NCR1: variants seen among roughly 807,000 people sequenced by gnomAD.
NCR1 encodes the protein NK cell-activating receptor.
Under a neutral mutation model 32.5 loss-of-function variants are expected in NCR1, and 30 were observed. The observed-to-expected ratio is 0.92, with a 90% CI of 0.69 to 1.25. The LOEUF is 1.25. Ranked by LOEUF, NCR1 falls within the 50% of genes most tolerant of loss-of-function variation. The probability of loss-of-function intolerance (pLI) is 0.00; values close to 1 mark genes in which losing one functional copy is unlikely to be tolerated. For missense variants in NCR1, 369 were observed against 380.7 expected (o/e 0.97, Z 0.26); for synonymous variants, 169 against 143.4 (o/e 1.18, Z -1.28).
chr19:54,910,170 C>A, intron 5 of NCR1, 105 bp downstream of exon 5: 1 of 1,131,848 alleles, frequency 8.8e-7, no homozygotes, highest in Non-Finnish European at 1.3e-6. Context: ...GGCGTGGTGG[C>A]TCACGCCTGT....
the NCR1 span, chr19:54,923,936 A>G: frequency 8.7e-5 from 136 of 1,557,082 alleles, no homozygotes; most frequent in South Asian, 1.4e-3. Flanking sequence ...GGATGCCTGA[A>G]TATCTGTTTT....
the NCR1 span, chr19:54,936,570 C>G: frequency 1.3e-6 from 1 of 767,648 alleles, no homozygotes; most frequent in Middle Eastern, 2.9e-4. Context: ...GTCTGTAACC[C>G]CAGCACTTTG....
intron 3 of NCR1, among the ~76,000 whole-genome samples, chr19:54,907,820 G>T (rs961737134): frequency 6.6e-6 from 1 of 151,850 alleles, no homozygotes; most frequent in African/African-American, 2.4e-5. Context: ...TTTTAAATTG[G>T]GTTGCTTATA....
chr19:54,912,897 A>G lies in NCR1; in HGVS notation c.*26A>G. The G allele has an allele frequency of 6.2e-7, 1 of 1,606,484 alleles. No homozygotes were observed. Among genetic ancestry groups the G allele is most frequent in the Non-Finnish European group, 8.5e-7 (1 of 1,175,176 alleles). ...AGAATGACCATGAGACACAGTGGCC[A>G]TGGGTGGATCTGAAAGCTGGTGTTG... On this transcript the variant is annotated 3_prime_UTR_variant, in exon 7 of 7. Transcript: ENST00000291890.
chr19:54,907,622 C>T (rs747532076), intron 3 of NCR1, among the ~76,000 whole-genome samples: 1 of 151,340 alleles, frequency 6.6e-6, no homozygotes, highest in Non-Finnish European at 1.5e-5. Context: ...ATGAGCAATA[C>T]TTTGTGCTAG....
chr19:54,906,845 T>C (rs1448545478), intron 3 of NCR1, 38 bp downstream of exon 3: 1 of 1,606,188 alleles, frequency 6.2e-7, no homozygotes, highest in Admixed American at 1.7e-5. Context: ...GTGATCTCAG[T>C]CTGCATCCGG....
At chr19:54,916,702 A>ATTTGTTTTT (rs2068142424), downstream of NCR1, among the ~76,000 whole-genome samples, 1 of 50,480 alleles carries the variant, frequency 2.0e-5, no homozygotes, top group Admixed American at 3.0e-4. Context: ...CAACTGTTCT[A>ATTTGTTTTT]TTTTTTTTTT....
chr19:54,933,171 A>C, the NCR1 span, among the ~76,000 whole-genome samples: 2 of 151,850 alleles, frequency 1.3e-5, no homozygotes, highest in Non-Finnish European at 2.9e-5. Context: ...TTTGAGAAGG[A>C]GTCTTGTTCT....
chr19:54,918,157 G>C (rs1034440889), downstream of NCR1, among the ~76,000 whole-genome samples: 1 of 151,900 alleles, frequency 6.6e-6, no homozygotes, highest in South Asian at 2.1e-4. Context: ...GGATGGTCTC[G>C]ATCTGACCTC....
chr19:54,908,011 G>A (rs969157546), intron 3 of NCR1, among the ~76,000 whole-genome samples: 3 of 151,360 alleles, frequency 2.0e-5, no homozygotes, highest in African/African-American at 7.3e-5. Flanking sequence ...AGTATTTATT[G>A]ATCATTCTTG....
the NCR1 span, among the ~76,000 whole-genome samples, chr19:54,935,276 C>T: frequency 6.6e-6 from 1 of 151,908 alleles, no homozygotes; most frequent in East Asian, 1.9e-4. Flanking sequence ...GTTGCCCAGG[C>T]TGGAGTGCAG....
intron 5 of NCR1, among the ~76,000 whole-genome samples, chr19:54,910,962 G>A (rs2067940447): frequency 6.6e-6 from 1 of 152,186 alleles, no homozygotes; most frequent in Admixed American, 6.5e-5. Flanking sequence ...GAAGATAACT[G>A]GGGTAATACA....
chr19:54,933,885 CA>C, the NCR1 span: 26 of 741,302 alleles, frequency 3.5e-5, no homozygotes, highest in South Asian at 3.8e-4. Context: ...ATCATGGCCA[CA>C]AAAGAGCAGG....
the NCR1 span, among the ~76,000 whole-genome samples, chr19:54,924,032 A>G: frequency 1.3e-5 from 2 of 152,104 alleles, no homozygotes; most frequent in African/African-American, 4.8e-5. Flanking sequence ...CAGTGGTGCC[A>G]TCTTGGCTCT....
intron 3 of NCR1, among the ~76,000 whole-genome samples, chr19:54,907,278 C>A (rs1258512859): frequency 1.3e-5 from 2 of 151,214 alleles, no homozygotes; most frequent in Non-Finnish European, 2.9e-5. Context: ...GCCTCAGCTT[C>A]CCAAGTAGCT....
chr19:54,913,055 C>CTTT lies in NCR1; in HGVS notation c.*197_*199dup. The stretch of plus-strand genomic sequence containing the variant: ...GGTGGGAGAACTACATGCTAAATTT[C>CTTT]TTTTTTTTTTTTTTTGAGACAGAGT... On this transcript the variant is annotated 3_prime_UTR_variant, in exon 7 of 7. Coordinates refer to ENST00000291890, the MANE Select transcript of NCR1 (RefSeq NM_004829.7). The CTTT allele has an allele frequency of 8.8e-5, 38 of 430,708 alleles. No homozygotes were observed. The highest frequency in any genetic ancestry group is 2.2e-4 in the South Asian group (5 of 22,520). The allele number at this position is 430,708 out of a possible 1,614,324, so 26.7% of individuals were successfully genotyped here.
At chr19:54,919,291 C>G (rs1022154594), downstream of NCR1, among the ~76,000 whole-genome samples, 11 of 151,964 alleles carry the variant, frequency 7.2e-5, no homozygotes, top group African/African-American at 2.7e-4. Context: ...GTAGTGGCCC[C>G]GAATGTCTGG....
the NCR1 span, chr19:54,927,829 A>T: frequency 6.5e-6 from 10 of 1,537,840 alleles, no homozygotes; most frequent in South Asian, 3.4e-5. Flanking sequence ...TAGTGGCTCA[A>T]GCGTGTAATC....
At position 54,906,347 on chromosome 19, in the gene NCR1, T is replaced by C. The variant is rs1322008274; in HGVS notation, c.70+13T>C. On this transcript the variant is annotated intron_variant, in intron 2 of 6. Transcript: ENST00000291890. ...AGCGCCCAGCAGCGTGAGTCCTTCC[T>C]TCAAAGCCCAGGGTCACTCTTCCGG... 26 of 1,612,928 alleles carry C rather than the reference T, an allele frequency of 1.6e-5. No homozygotes were observed. The highest frequency in any genetic ancestry group is 1.8e-5 in the Non-Finnish European group (21 of 1,179,972).
Sources: gnomAD v4.1 joint callset for allele counts (sites outside exome capture counted in the v4.1 genomes callset) on GRCh38, gnomAD v4.1.1 for gene constraint, MANE v1.5 for transcripts, NCBI Gene and HGNC (gene_info 2026-07-23, HGNC 2026-07-21) for gene names.